ACTN4: variants seen among roughly 807,000 people sequenced by gnomAD.
ACTN4 encodes alpha-actinin-4.
ACTN4 carries 18 observed loss-of-function variants against 114.2 expected under a neutral mutation model. That is an observed-to-expected ratio of 0.16 (90% CI 0.11 to 0.23). The LOEUF (loss-of-function observed/expected upper bound fraction) is 0.23. ACTN4 is among the 10% of genes least tolerant of loss of function. The pLI, the probability that ACTN4 is intolerant of heterozygous loss-of-function variation, is 1.00. For synonymous variants in ACTN4, 515 were observed against 506.3 expected (o/e 1.02, Z -0.23); for missense variants, 722 against 1,262.9 (o/e 0.57, Z 6.49).
At chr19:38,722,918 G>A (rs77024561) in intron 12 of ACTN4, among the ~76,000 whole-genome samples, 2,966 of 152,328 alleles carry the variant, frequency 0.019, 131 homozygotes, top group South Asian at 0.15. Context: ...GGCTGTCCGG[G>A]TCCTGTCTTT....
intron 1 of ACTN4, among the ~76,000 whole-genome samples, chr19:38,691,342 G>A (rs937695425): frequency 2.0e-5 from 3 of 146,418 alleles, no homozygotes; most frequent in African/African-American, 5.0e-5. Context: ...CAGAAGTTGC[G>A]TTGAGCTGAG....
chr19:38,714,378 G>A (rs890821181), intron 8 of ACTN4, 91 bp from the exon 9 acceptor site: 80 of 1,176,908 alleles, frequency 6.8e-5, no homozygotes, highest in Non-Finnish European at 9.4e-5. Context: ...GGAGTTCCGT[G>A]GGCCATGGAC....
At chr19:38,674,360 G>A (rs545409494) in intron 1 of ACTN4, among the ~76,000 whole-genome samples, 26 of 152,278 alleles carry the variant, frequency 1.7e-4, no homozygotes, top group Middle Eastern at 3.4e-3. Context: ...TGCCGGTAGC[G>A]AGGATCTTGG....
intron 5 of ACTN4, among the ~76,000 whole-genome samples, chr19:38,707,559 TG>T (rs901838419): frequency 2.0e-5 from 3 of 152,032 alleles, no homozygotes; most frequent in Non-Finnish European, 4.4e-5. Context: ...CTTGTGGCCT[TG>T]GGGAAGGTCT....
intron 1 of ACTN4, among the ~76,000 whole-genome samples, chr19:38,681,191 G>A (rs1444603934): frequency 6.7e-6 from 1 of 149,828 alleles, no homozygotes; most frequent in East Asian, 2.0e-4. Context: ...CTGGCTGCCT[G>A]AGCTTGTGTG....
At chr19:38,707,196 T>C in intron 5 of ACTN4, among the ~76,000 whole-genome samples, 1 of 152,082 alleles carries the variant, frequency 6.6e-6, no homozygotes, top group East Asian at 1.9e-4. Flanking sequence ...CTTCTTTTTT[T>C]TCCTGCCACT....
chr19:38,729,217 CTGAGGGGGCCAGTGTGTGGGTGGGGA>C, intron 20 of ACTN4, 31 bp from the exon 21 acceptor site: 4 of 1,612,696 alleles, frequency 2.5e-6, no homozygotes, highest in Non-Finnish European at 3.4e-6. Flanking sequence ...GTGGGAGGGG[CTGAGGGGGCCAGTGTGTGGGTGGGGA>C]TGGCTCAGAG....
chr19:38,697,035 A>G (rs1289280832), intron 1 of ACTN4, among the ~76,000 whole-genome samples: 2 of 152,230 alleles, frequency 1.3e-5, no homozygotes, highest in African/African-American at 2.4e-5. Context: ...CAGTGAGGAA[A>G]CTGAGGCTTA....
chr19:38,729,130 C>T lies in ACTN4; in HGVS notation c.2553C>T (p.Ser851=). The T allele has an allele frequency of 6.2e-7, 1 of 1,613,214 alleles. No individual in the cohort carries two copies. The highest frequency in any genetic ancestry group is 8.5e-7 in the Non-Finnish European group (1 of 1,179,984). The change falls in exon 20 of 21, where the codon TCC becomes TCT. Residue 851 remains serine (S), a synonymous_variant. Transcript: ENST00000252699. The stretch of plus-strand genomic sequence containing the variant: ...ACACGGCTGACCAGGTCATCGCTTC[C>T]TTCAAGGTCTTAGCAGGGGACAAGG... ...DTDTADQVIA[S]FKVLAGDKNF...
chr19:38,652,408 C>G (rs1568670736), intron 1 of ACTN4, among the ~76,000 whole-genome samples: 1 of 152,108 alleles, frequency 6.6e-6, no homozygotes, highest in East Asian at 1.9e-4. Flanking sequence ...GGAAGATGGC[C>G]TGGGACTGCA....
intron 1 of ACTN4, among the ~76,000 whole-genome samples, chr19:38,677,226 C>T (rs547736316): frequency 3.9e-5 from 6 of 152,316 alleles, no homozygotes; most frequent in Non-Finnish European, 7.4e-5. Flanking sequence ...TTAACTCCAA[C>T]CATCCTTGGC....
chr19:38,692,345 C>T (rs1348923858), intron 1 of ACTN4, among the ~76,000 whole-genome samples: 1 of 152,238 alleles, frequency 6.6e-6, no homozygotes, highest in Non-Finnish European at 1.5e-5. Flanking sequence ...GGGCTGTCTG[C>T]GTCCCACGTT....
intron 1 of ACTN4, among the ~76,000 whole-genome samples, chr19:38,696,107 CT>C (rs533759182): frequency 6.4e-4 from 97 of 152,286 alleles, no homozygotes; most frequent in Non-Finnish European, 9.3e-4. Context: ...GTGCCCGCCC[CT>C]AGTAGACTCT....
chr19:38,666,956 G>T lies in ACTN4; in HGVS notation c.162+19049G>T, dbSNP rs566953286. Among the ~76,000 whole-genome samples the T allele has an allele frequency of 2.0e-5, 3 of 152,270 alleles. No homozygotes were observed. In the South Asian group the frequency reaches 6.2e-4, roughly 32 times the overall value. ...CTTGGGGGAGGGGGTGAAGGAGAAAGAACTGAGTCTAGGGATGTGCCAGGT... is the reference window on the plus strand; with the variant it reads ...CTTGGGGGAGGGGGTGAAGGAGAAATAACTGAGTCTAGGGATGTGCCAGGT... On this transcript the variant is annotated intron_variant, in intron 1 of 20. Coordinates refer to ENST00000252699, the MANE Select transcript of ACTN4 (RefSeq NM_004924.6).
chr19:38,681,128 A>AG lies in ACTN4; in HGVS notation c.163-19471dup, dbSNP rs1491234834. Among the ~76,000 whole-genome samples, 597 of 86,456 alleles carry AG rather than the reference A, an allele frequency of 6.9e-3. 5 individuals are homozygous for AG. Among genetic ancestry groups the AG allele is most frequent in the African/African-American group, 0.019 (492 of 25,682 alleles). The allele number at this position is 86,456 out of a possible 152,430, so 56.7% of individuals were successfully genotyped here. A position where few individuals can be genotyped will look rare whatever the true frequency, so the allele number is the denominator to read the frequency against. On this transcript the variant is annotated intron_variant, in intron 1 of 20. Coordinates refer to ENST00000252699, the MANE Select transcript of ACTN4 (RefSeq NM_004924.6). The stretch of plus-strand genomic sequence containing the variant: ...GTGACAGAGTGAGACTCCAATCTCT[A>AG]GAAAAAAAAAAAAAAAAAAAAAAAA...
Position 38,705,007 on chromosome 19 carries a change from C to A in ACTN4, c.471C>A (p.Asp157Glu), listed in dbSNP as rs745581636. 6.2e-7 allele frequency: 1 copy of A among 1,614,084 alleles called. No individual in the cohort carries two copies. The highest frequency in any genetic ancestry group is 1.3e-5 in the African/African-American group (1 of 74,952). The change falls in exon 4 of 21, where the codon GAC becomes GAA. Residue 157 changes from aspartate to glutamate, a missense_variant. By Grantham distance (45) the Asp-to-Glu change is conservative. This residue lies in a region of ACTN4 where 127 missense variants were observed against 311.3 expected (regional missense o/e 0.41). Transcript: ENST00000252699. ...TCATCCTTAGGTTCGCCATCCAGGACATCTCCGTGGAAGGTGACAGCCACC... is the reference window on the plus strand; with the variant it reads ...TCATCCTTAGGTTCGCCATCCAGGAAATCTCCGTGGAAGGTGACAGCCACC... ...WTIILRFAIQ[D>E]ISVEETSAKE...
intron 11 of ACTN4, among the ~76,000 whole-genome samples, chr19:38,719,688 C>G (rs1968969559): frequency 6.6e-6 from 1 of 152,274 alleles, no homozygotes; most frequent in South Asian, 2.1e-4. Context: ...GCTCAGGTGG[C>G]TCCAGCCGTC....
intron 11 of ACTN4, among the ~76,000 whole-genome samples, chr19:38,719,387 G>A (rs934406348): frequency 9.2e-5 from 14 of 152,206 alleles, no homozygotes; most frequent in Admixed American, 7.2e-4. Flanking sequence ...AGCTCCACAC[G>A]GCCTGCAGCC....
intron 1 of ACTN4, among the ~76,000 whole-genome samples, chr19:38,668,681 T>C (rs1454749581): frequency 5.9e-5 from 9 of 151,306 alleles, no homozygotes; most frequent in Non-Finnish European, 1.5e-5. Context: ...TGAGACTCCA[T>C]CGCAAAAAAA....
Sources: gnomAD v4.1 joint callset for allele counts (sites outside exome capture counted in the v4.1 genomes callset) on GRCh38, gnomAD v4.1.1 for gene constraint, gnomAD v4.1.1 regional missense constraint, MANE v1.5 for transcripts, NCBI Gene and HGNC (gene_info 2026-07-23, HGNC 2026-07-21) for gene names.